Variants in SPATA6L observed in about 807,000 individuals in gnomAD.
SPATA6L encodes spermatogenesis associated 6 like.
A neutral mutation model predicts 49.2 loss-of-function variants in SPATA6L; 68 were observed. The ratio of observed to expected loss-of-function variants is 1.38; its 90% CI spans 1.14 to 1.69. The LOEUF (loss-of-function observed/expected upper bound fraction) is 1.69, where lower values mean the gene tolerates loss of function less well. Among genes scored for constraint, SPATA6L ranks in the 40% most tolerant of loss-of-function variants. The probability of loss-of-function intolerance (pLI) is 0.00; values close to 1 mark genes in which losing one functional copy is unlikely to be tolerated. For synonymous variants in SPATA6L, 198 were observed against 165.7 expected (o/e 1.19, Z -1.50); for missense variants, 668 against 464.3 (o/e 1.44, Z -4.03).
intron 3 of SPATA6L, among the ~76,000 whole-genome samples, chr9:4,645,375 T>C (rs568505508): frequency 6.6e-6 from 1 of 152,364 alleles, no homozygotes; most frequent in South Asian, 2.1e-4. Flanking sequence ...TTTAAAAAGC[T>C]ATTTATTTCT....
At chr9:4,650,264 G>T (rs1836496638) in intron 3 of SPATA6L, among the ~76,000 whole-genome samples, 1 of 152,064 alleles carries the variant, frequency 6.6e-6, no homozygotes, top group African/African-American at 2.4e-5. Context: ...ACTTGTGTCT[G>T]GTCCTTTCTC....
rs16921597 is a variant in SPATA6L, at chr9:4,604,171, G to C, written c.*1+8C>G. ...GCACTTAAGCTGCTTACTTACATAA[G>C]ACAGTACCTTAAAAATATCTCTGTT... On this transcript the variant is annotated splice_region_variant and intron_variant, in intron 11 of 11. Coordinates refer to ENST00000682582, the MANE Select transcript of SPATA6L (RefSeq NM_001353486.2). The C allele has an allele frequency of 0.032, 51,721 of 1,594,990 alleles. 1,217 individuals are homozygous for C. The highest frequency in any genetic ancestry group is 0.089 in the African/African-American group (6,655 of 74,468).
At position 4,604,266 on chromosome 9, in the gene SPATA6L, C is replaced by G; in HGVS notation, c.1093G>C (p.Asp365His). 6.2e-7 allele frequency: 1 copy of G among 1,600,214 alleles called. No individual in the cohort carries two copies. The highest frequency in any genetic ancestry group is 8.6e-7 in the Non-Finnish European group (1 of 1,168,382). The part of the protein sequence containing the change: ...HRAQLHQNKE[D>H]STSEVNYIIE... ...ATATAATTTACTTCAGAGGTAGAATCTTCCTACAATAAAAACAAATCCAGC... is the reference window on the plus strand; with the variant it reads ...ATATAATTTACTTCAGAGGTAGAATGTTCCTACAATAAAAACAAATCCAGC... The change falls in exon 11 of 12, where the codon GAT (aspartate) becomes CAT (histidine). Residue 365 changes from aspartate to histidine, a missense_variant. Coordinates refer to ENST00000682582, the MANE Select transcript of SPATA6L (RefSeq NM_001353486.2).
At chr9:4,595,234 A>G (rs968263154), downstream of SPATA6L, among the ~76,000 whole-genome samples, 2 of 152,006 alleles carry the variant, frequency 1.3e-5, no homozygotes, top group Admixed American at 1.3e-4. Context: ...AGGGCCAGGT[A>G]CCTCCCCCAT....
intron 2 of SPATA6L, among the ~76,000 whole-genome samples, chr9:4,659,911 C>G (rs367873099): frequency 3.3e-5 from 5 of 152,142 alleles, no homozygotes; most frequent in Admixed American, 1.3e-4. Context: ...ACAAACCTGA[C>G]AAAAACAAGA....
rs954404176 is a variant in SPATA6L, at chr9:4,610,136, G to A, written c.996-4696C>T. Among the ~76,000 whole-genome samples, 151 of 152,250 alleles carry A rather than the reference G, an allele frequency of 9.9e-4. 1 individual carries two copies. Among genetic ancestry groups the A allele is most frequent in the Non-Finnish European group, 1.7e-3 (117 of 68,030 alleles). ...GGAGAAGTATAAACCACTGCTCAAT[G>A]AAATAAAAGAGGATACAAACAAATG... is the stretch of plus-strand genomic sequence containing the variant. On this transcript the variant is annotated intron_variant, in intron 9 of 11. Transcript: ENST00000682582.
chr9:4,666,219 A>G lies in SPATA6L; in HGVS notation c.32T>C (p.Ile11Thr), dbSNP rs561197335. 6.2e-7 allele frequency: 1 copy of G among 1,614,088 alleles called. No homozygotes were observed. The highest frequency in any genetic ancestry group is 8.5e-7 in the Non-Finnish European group (1 of 1,180,016). The change falls in exon 1 of 12, where the codon ATC (isoleucine) becomes ACC (threonine). Residue 11 changes from isoleucine to threonine, a missense_variant. Physicochemically the swap from Ile to Thr is moderately conservative, Grantham distance 89. Coordinates refer to ENST00000682582, the MANE Select transcript of SPATA6L (RefSeq NM_001353486.2). ...AGTTCATCGATCTCTTACCGCCCGG[A>G]TCTGCAGCTCCACCACCACCTCCAG... Reference protein sequence around the residue: MPLEVVVELQIRAISCPGVFL... With the variant: MPLEVVVELQTRAISCPGVFL...
At chr9:4,595,261 A>T (rs1030854777), downstream of SPATA6L, among the ~76,000 whole-genome samples, 12 of 152,076 alleles carry the variant, frequency 7.9e-5, no homozygotes, top group African/African-American at 2.9e-4. Context: ...ACAGGTTTTT[A>T]AGCACCCCTA....
At chr9:4,606,223 G>T (rs1020027709) in intron 9 of SPATA6L, among the ~76,000 whole-genome samples, 3 of 148,636 alleles carry the variant, frequency 2.0e-5, no homozygotes, top group East Asian at 2.1e-4. Flanking sequence ...GGCTGGGGGA[G>T]GGGCGCCCGC....
chr9:4,595,617 C>G (rs896295646), downstream of SPATA6L, among the ~76,000 whole-genome samples: 1 of 152,138 alleles, frequency 6.6e-6, no homozygotes, highest in African/African-American at 2.4e-5. Flanking sequence ...CCCCAGTTGC[C>G]TCACTCTCCC....
chr9:4,664,473 A>C (rs1426617036), intron 1 of SPATA6L: 1 of 167,058 alleles, frequency 6.0e-6, no homozygotes, highest in African/African-American at 2.4e-5. Flanking sequence ...ATTTCTGTTT[A>C]CATTGACCTT....
Position 4,611,859 on chromosome 9 carries a change from T to C in SPATA6L, c.995+6064A>G, listed in dbSNP as rs1425190514. Among the ~76,000 whole-genome samples, 3 of 152,094 alleles carry C rather than the reference T, an allele frequency of 2.0e-5. No homozygotes were observed. The East Asian group carries it at 5.8e-4, about 29-fold the overall frequency. On this transcript the variant is annotated intron_variant, in intron 9 of 11. Transcript: ENST00000682582. The stretch of plus-strand genomic sequence containing the variant: ...TTAATATAAAATTTAATCCCAGTAG[T>C]TGTTGTTTCACGGAGAGATTATCAC...
intron 6 of SPATA6L, among the ~76,000 whole-genome samples, chr9:4,622,797 CAGAA>C (rs1829629294): frequency 6.6e-6 from 1 of 152,186 alleles, no homozygotes; most frequent in Non-Finnish European, 1.5e-5. Flanking sequence ...GGATCCCGCA[CAGAA>C]AGAGAGCAAG....
downstream of SPATA6L, among the ~76,000 whole-genome samples, chr9:4,595,381 T>C (rs899323755): frequency 3.3e-5 from 5 of 152,152 alleles, no homozygotes; most frequent in Admixed American, 1.3e-4. Flanking sequence ...TTCAGACTTC[T>C]TCAAAGGCTT....
At chr9:4,655,001 C>T (rs570482333) in intron 3 of SPATA6L, among the ~76,000 whole-genome samples, 47 of 152,252 alleles carry the variant, frequency 3.1e-4, no homozygotes, top group African/African-American at 9.9e-4. Flanking sequence ...TCTTCTCTTC[C>T]CAGCACTCCT....
At chr9:4,602,159 T>A (rs1823478165) in intron 11 of SPATA6L, among the ~76,000 whole-genome samples, 1 of 152,014 alleles carries the variant, frequency 6.6e-6, no homozygotes, top group Admixed American at 6.6e-5. Flanking sequence ...TTTCTTTTCT[T>A]ACCTTCTCTC....
At chr9:4,619,142 A>T (rs1275287652) in intron 7 of SPATA6L, among the ~76,000 whole-genome samples, 1 of 147,628 alleles carries the variant, frequency 6.8e-6, no homozygotes, top group African/African-American at 2.5e-5. Context: ...TGAGGTCAAC[A>T]GTCAGGTTTT....
intron 6 of SPATA6L, 152 bp from the exon 7 acceptor site, chr9:4,622,662 T>C: frequency 1.7e-6 from 1 of 579,722 alleles, no homozygotes; most frequent in Non-Finnish European, 3.1e-6. Flanking sequence ...TCTGCAAGTT[T>C]GTTACATGTT....
intron 2 of SPATA6L, among the ~76,000 whole-genome samples, chr9:4,659,849 G>C (rs1264712816): frequency 2.0e-5 from 3 of 152,110 alleles, no homozygotes; most frequent in Non-Finnish European, 4.4e-5. Context: ...CAATGGAACA[G>C]AACAGAGGCC....
Sources: gnomAD v4.1 joint callset for allele counts (sites outside exome capture counted in the v4.1 genomes callset) on GRCh38, gnomAD v4.1.1 for gene constraint, MANE v1.5 for transcripts, NCBI Gene and HGNC (gene_info 2026-07-23, HGNC 2026-07-21) for gene names.